Variants in PPP6R3 observed in about 807,000 individuals in gnomAD.
PPP6R3 encodes serine/threonine-protein phosphatase 6 regulatory subunit 3.
PPP6R3 carries 38 observed loss-of-function variants against 110.7 expected under a neutral mutation model. The ratio of observed to expected loss-of-function variants is 0.34; its 90% CI spans 0.26 to 0.45. The LOEUF (loss-of-function observed/expected upper bound fraction) is 0.45, where lower values mean the gene tolerates loss of function less well. Among genes scored for constraint, PPP6R3 ranks in the 20% least tolerant of loss-of-function variants. The pLI is 1.00. For missense variants in PPP6R3, 870 were observed against 1,062.4 expected (o/e 0.82, Z 2.52); for synonymous variants, 369 against 373.5 (o/e 0.99, Z 0.14).
At chr11:68,506,414 C>CAAAAAAAAAAAAAAAAAAAAAAAA (rs67739319) in intron 1 of PPP6R3, among the ~76,000 whole-genome samples, 8 of 46,070 alleles carry the variant, frequency 1.7e-4, no homozygotes, top group Non-Finnish European at 3.0e-4. Flanking sequence ...CCTTTATACT[C>CAAAAAAAAAAAAAAAAAAAAAAAA]AAAAAAAAAA....
chr11:68,565,787 C>T (rs144612783), intron 9 of PPP6R3, among the ~76,000 whole-genome samples: 4 of 148,094 alleles, frequency 2.7e-5, no homozygotes, highest in South Asian at 4.2e-4. Context: ...ATGTCTGTCT[C>T]GGAGTACCGT....
At position 68,503,522 on chromosome 11, in the gene PPP6R3, C is replaced by G. The variant is rs2099059254; in HGVS notation, c.-157-15979C>G. On this transcript the variant is annotated intron_variant, in intron 1 of 23. Transcript: ENST00000393800. ...GACTGAGAAATGGCCAGTGAGAAAA[C>G]AACGAGTGTGTGACATCAGAGAAGC... Among the ~76,000 whole-genome samples the G allele has an allele frequency of 1.3e-5, 2 of 152,138 alleles. 1 individual carries two copies. The highest frequency in any genetic ancestry group is 1.3e-4 in the Admixed American group (2 of 15,260).
chr11:68,547,523 C>CT (rs2099354110), intron 4 of PPP6R3, among the ~76,000 whole-genome samples: 2 of 152,200 alleles, frequency 1.3e-5, no homozygotes, highest in African/African-American at 4.8e-5. Flanking sequence ...ACCAGCTGCC[C>CT]TTCTTGTGCT....
chr11:68,610,131 C>T (rs994677973), intron 23 of PPP6R3, 108 bp downstream of exon 23: 1 of 1,438,246 alleles, frequency 7.0e-7, no homozygotes, highest in Non-Finnish European at 9.3e-7. Context: ...GTGCTCAAGT[C>T]TTAGGCCGCT....
intron 2 of PPP6R3, among the ~76,000 whole-genome samples, chr11:68,523,725 T>C (rs2099178614): frequency 1.5e-5 from 2 of 129,666 alleles, no homozygotes; most frequent in African/African-American, 5.8e-5. Context: ...CCCCCCCTTT[T>C]TTTTTTCTCT....
rs986126413 is a variant in PPP6R3 at position 68,511,917 on chromosome 11, G to C, written c.-157-7584G>C. On this transcript the variant is annotated intron_variant, in intron 1 of 23. Transcript: ENST00000393800. ...GGAATCTTTCTAGTTTGGACTGCTG[G>C]CTCTCCCATTCTGTGACCTTGGGGG... Among the ~76,000 whole-genome samples, 6 of 152,114 alleles carry C rather than the reference G, an allele frequency of 3.9e-5. No individual in the cohort carries two copies. In the South Asian group the frequency reaches 1.0e-3, roughly 26 times the overall value.
At chr11:68,504,918 G>A (rs2099067821) in intron 1 of PPP6R3, among the ~76,000 whole-genome samples, 1 of 152,188 alleles carries the variant, frequency 6.6e-6, no homozygotes. Flanking sequence ...TCCTAGCAGA[G>A]CACATTGACA....
chr11:68,460,862 C>CGGCGCGGGGTGTGCGAGGCGCGCGGGCA (rs2098698115), intron 1 of PPP6R3, 35 bp downstream of exon 1: 1 of 152,064 alleles, frequency 6.6e-6, no homozygotes, highest in African/African-American at 2.4e-5. Context: ...GAGCAGGCCG[C>CGGCGCGGGGTGTGCGAGGCGCGCGGGCA]GGCGCGGGGT....
chr11:68,561,387 C>T (rs988045012), intron 8 of PPP6R3, among the ~76,000 whole-genome samples: 16 of 152,122 alleles, frequency 1.1e-4, no homozygotes, highest in Admixed American at 5.2e-4. Flanking sequence ...TGAACCACCT[C>T]GCCCAGCTTT....
chr11:68,475,300 C>G (rs1037626186), intron 1 of PPP6R3, among the ~76,000 whole-genome samples: 4 of 152,196 alleles, frequency 2.6e-5, no homozygotes, highest in Non-Finnish European at 5.9e-5. Context: ...AATGAAGTCT[C>G]CCATGTCTAC....
Position 68,548,214 on chromosome 11 carries a change from A to G in PPP6R3, c.552+10A>G, listed in dbSNP as rs2099356767. The G allele has an allele frequency of 6.2e-7, 1 of 1,613,578 alleles. No individual in the cohort carries two copies. The highest frequency in any genetic ancestry group is 8.5e-7 in the Non-Finnish European group (1 of 1,179,822). ...GCAAGATGTGCTGAATGTGAGTAGA[A>G]TTCTGACCTGCTGTTGACTGGGGTT... On this transcript the variant is annotated intron_variant, in intron 5 of 23. Transcript: ENST00000393800.
intron 1 of PPP6R3, among the ~76,000 whole-genome samples, chr11:68,507,892 T>A (rs1269147072): frequency 1.3e-5 from 2 of 152,152 alleles, no homozygotes; most frequent in African/African-American, 4.8e-5. Flanking sequence ...ACATCAGGAA[T>A]ATCATGGTAT....
intron 1 of PPP6R3, among the ~76,000 whole-genome samples, chr11:68,484,537 G>T (rs781245502): frequency 3.9e-4 from 59 of 151,356 alleles, no homozygotes; most frequent in Admixed American, 1.3e-3. Context: ...TAATCAGGTT[G>T]TTCATTTTTT....
chr11:68,501,771 A>T (rs1459549278), intron 1 of PPP6R3, among the ~76,000 whole-genome samples: 1 of 152,264 alleles, frequency 6.6e-6, no homozygotes, highest in East Asian at 1.9e-4. Context: ...GAATGTATGT[A>T]AATGATACCA....
intron 2 of PPP6R3, among the ~76,000 whole-genome samples, chr11:68,528,504 T>C (rs1360254726): frequency 6.6e-6 from 1 of 152,026 alleles, no homozygotes; most frequent in Non-Finnish European, 1.5e-5. Flanking sequence ...TGCGTGAACT[T>C]TCTGTGTTTT....
intron 1 of PPP6R3, among the ~76,000 whole-genome samples, chr11:68,509,941 C>T (rs1331652926): frequency 2.0e-5 from 3 of 150,030 alleles, no homozygotes. Context: ...TAAGTAGAGA[C>T]AGGTTTTCAC....
At chr11:68,517,513 A>C (rs1396596917) in intron 1 of PPP6R3, among the ~76,000 whole-genome samples, 1 of 152,212 alleles carries the variant, frequency 6.6e-6, no homozygotes, top group Non-Finnish European at 1.5e-5. Context: ...CAGAGAATGC[A>C]TAAGACAAAT....
At chr11:68,541,018 A>C (rs1256585292) in intron 3 of PPP6R3, among the ~76,000 whole-genome samples, 2 of 152,214 alleles carry the variant, frequency 1.3e-5, no homozygotes, top group Non-Finnish European at 2.9e-5. Flanking sequence ...AAGAGATTAA[A>C]GTAAAGACAG....
intron 19 of PPP6R3, among the ~76,000 whole-genome samples, chr11:68,597,970 C>G (rs2099619250): frequency 6.6e-6 from 1 of 151,852 alleles, no homozygotes; most frequent in South Asian, 2.1e-4. Context: ...CAGAGTGAGA[C>G]TCCATCTGGG....
Sources: gnomAD v4.1 joint callset for allele counts (sites outside exome capture counted in the v4.1 genomes callset) on GRCh38, gnomAD v4.1.1 for gene constraint, MANE v1.5 for transcripts, NCBI Gene and HGNC (gene_info 2026-07-23, HGNC 2026-07-21) for gene names.